Variants in CACNA1E observed in about 807,000 individuals in gnomAD.
CACNA1E encodes the protein voltage-dependent R-type calcium channel subunit alpha-1E.
Under a neutral mutation model 259.2 loss-of-function variants are expected in CACNA1E, and 40 were observed. The observed-to-expected ratio is 0.15, with a 90% CI of 0.12 to 0.20. The LOEUF is 0.20. CACNA1E is among the 10% of genes least tolerant of loss of function. The pLI, the probability that CACNA1E is intolerant of heterozygous loss-of-function variation, is 1.00. For missense variants in CACNA1E, 1,874 were observed against 3,040.1 expected, an observed-to-expected ratio of 0.62 and a Z score of 9.02; for synonymous variants, 1,104 against 1,138.5, an observed-to-expected ratio of 0.97 and a Z score of 0.61.
chr1:181,346,062 G>A (rs1279609483), intron 1 of CACNA1E, among the ~76,000 whole-genome samples: 2 of 152,210 alleles, frequency 1.3e-5, no homozygotes, highest in African/African-American at 4.8e-5. Context: ...GATGTGGAAT[G>A]GAGACCCCTG....
At chr1:181,469,054 A>G (rs1662331516) in intron 2 of CACNA1E, among the ~76,000 whole-genome samples, 1 of 152,178 alleles carries the variant, frequency 6.6e-6, no homozygotes, top group South Asian at 2.1e-4. Flanking sequence ...AAATTTATTA[A>G]AATTTTTTTT....
At chr1:181,382,087 C>T (rs1433887507) in intron 1 of CACNA1E, among the ~76,000 whole-genome samples, 4 of 152,042 alleles carry the variant, frequency 2.6e-5, no homozygotes, top group African/African-American at 4.8e-5. Context: ...CAGTAAATAG[C>T]GAAGGGGCTA....
At chr1:181,331,440 C>G (rs771845328) in intron 1 of CACNA1E, among the ~76,000 whole-genome samples, 1 of 152,142 alleles carries the variant, frequency 6.6e-6, no homozygotes, top group Non-Finnish European at 1.5e-5. Flanking sequence ...GTGGAGAGCC[C>G]TGAGTTCTGA....
chr1:181,737,364 A>G (rs1308522463), intron 22 of CACNA1E, among the ~76,000 whole-genome samples, 161 bp from the exon 23 acceptor site: 3 of 152,174 alleles, frequency 2.0e-5, no homozygotes, highest in Non-Finnish European at 4.4e-5. Flanking sequence ...GGGGCTTTAA[A>G]TCAAGGGTGG....
rs985486070 is a variant in CACNA1E at position 181,354,243 on chromosome 1, C to T, written c.-15+36120C>T. On this transcript the variant is annotated intron_variant, in intron 1 of 11. Transcript: ENST00000524607. ...ATAAATGAATGAAACCAATATGTATCGGGTACCCATCGTGAGCCAGGCACA... is the reference window on the plus strand; with the variant it reads ...ATAAATGAATGAAACCAATATGTATTGGGTACCCATCGTGAGCCAGGCACA... Among the ~76,000 whole-genome samples, 9 of 150,958 alleles carry T rather than the reference C, an allele frequency of 6.0e-5. No homozygotes were observed. The South Asian group carries it at 6.3e-4, about 11-fold the overall frequency.
upstream of CACNA1E, among the ~76,000 whole-genome samples, chr1:181,481,694 G>A (rs1347861706): frequency 1.3e-5 from 2 of 152,282 alleles, no homozygotes; most frequent in East Asian, 3.9e-4. Flanking sequence ...GTGTGGACAT[G>A]GGAGGGGACA....
At chr1:181,654,348 C>T in intron 7 of CACNA1E, among the ~76,000 whole-genome samples, 1 of 151,724 alleles carries the variant, frequency 6.6e-6, no homozygotes, top group Non-Finnish European at 1.5e-5. Context: ...AAATTACCTA[C>T]AAAACAGAAC....
At chr1:181,624,642 C>A (rs1572410163) in intron 6 of CACNA1E, among the ~76,000 whole-genome samples, 1 of 152,138 alleles carries the variant, frequency 6.6e-6, no homozygotes, top group Non-Finnish European at 1.5e-5. Context: ...AGTTCTCTTG[C>A]TGTTTTCACC....
intron 3 of CACNA1E, among the ~76,000 whole-genome samples, chr1:181,522,584 G>A (rs541965623): frequency 3.3e-5 from 5 of 152,260 alleles, no homozygotes; most frequent in South Asian, 2.1e-4. Context: ...GCTGAATCTG[G>A]ATCCTAACTG....
In CACNA1E at chr1:181,622,895, C is replaced by G. The variant is rs529794543; in HGVS notation, c.952-28443C>G. Among the ~76,000 whole-genome samples the G allele has an allele frequency of 8.5e-5, 13 of 152,304 alleles. No individual in the cohort carries two copies. The South Asian group carries it at 2.3e-3, about 27-fold the overall frequency. On this transcript the variant is annotated intron_variant, in intron 6 of 47. Transcript: ENST00000367573. ...TGTTGCTTAAAAAAACCGCGACAGC[C>G]CACTTATGCTTAGGAGCTTTTTCTG...
Position 181,732,375 on chromosome 1 carries a change from CCTT to C in CACNA1E, c.2298-8_2298-6del, listed in dbSNP as rs1299047972. 70 of 1,504,358 alleles carry C rather than the reference CCTT, an allele frequency of 4.7e-5. No homozygotes were observed. Among genetic ancestry groups the C allele is most frequent in the Non-Finnish European group, 6.0e-5 (67 of 1,125,808 alleles). 93.2% of individuals were successfully genotyped at this position (1,504,358 alleles called of 1,614,324 possible). On this transcript the variant is annotated splice_polypyrimidine_tract_variant and splice_region_variant and intron_variant, in intron 19 of 47. Transcript: ENST00000367573. This position sits in a 1 kb window ranked among gnomAD's most constrained non-coding sequence, Gnocchi z 5.5. The stretch of plus-strand genomic sequence containing the variant: ...CTCTGACCGCGGCCCTGCCCTTTCC[CCTT>C]GGCAGGAGGGAGCGGAGGCGCCGGC...
chr1:181,382,519 G>A (rs141851180), intron 1 of CACNA1E, among the ~76,000 whole-genome samples: 1 of 152,226 alleles, frequency 6.6e-6, no homozygotes, highest in African/African-American at 2.4e-5. Flanking sequence ...AGAATTTAAG[G>A]TAGGAAGAGC....
intron 25 of CACNA1E, among the ~76,000 whole-genome samples, chr1:181,741,117 ATG>A (rs1656531820): frequency 6.6e-6 from 1 of 152,220 alleles, no homozygotes; most frequent in African/African-American, 2.4e-5. Context: ...TCTAAAAATC[ATG>A]TGTCTCTCTT....
intron 8 of CACNA1E, among the ~76,000 whole-genome samples, chr1:181,712,682 C>G (rs963637571): frequency 6.6e-6 from 1 of 152,034 alleles, no homozygotes; most frequent in African/African-American, 2.4e-5. Flanking sequence ...ACAAATATCC[C>G]CTACCGCTTC....
intron 3 of CACNA1E, among the ~76,000 whole-genome samples, chr1:181,532,460 A>G (rs1323070948): frequency 1.3e-5 from 2 of 152,232 alleles, no homozygotes; most frequent in African/African-American, 4.8e-5. Flanking sequence ...ACAAAGGTCA[A>G]GCTTCTCCCA....
intron 1 of CACNA1E, among the ~76,000 whole-genome samples, chr1:181,400,039 G>A (rs1656978752): frequency 6.6e-6 from 1 of 152,154 alleles, no homozygotes; most frequent in African/African-American, 2.4e-5. Context: ...TAGTACAGGT[G>A]ACCCAGATAA....
rs372474270 is a variant in CACNA1E at position 181,615,448 on chromosome 1, A to G, written c.951+34672A>G. Reference sequence around the variant, plus strand: ...CATGATCTGCTCGCCTCGGCCTCCTAAAGTGCTGGGATTACAGGTGTGAGC... The same window carrying G: ...CATGATCTGCTCGCCTCGGCCTCCTGAAGTGCTGGGATTACAGGTGTGAGC... On this transcript the variant is annotated intron_variant, in intron 6 of 47. Coordinates refer to ENST00000367573, the MANE Select transcript of CACNA1E (RefSeq NM_001205293.3). Among the ~76,000 whole-genome samples, 51 of 152,210 alleles carry G rather than the reference A, an allele frequency of 3.4e-4. No homozygotes were observed. In the East Asian group the frequency reaches 7.1e-3, roughly 21 times the overall value.
intron 2 of CACNA1E, among the ~76,000 whole-genome samples, chr1:181,441,267 C>CAGA (rs1330357811): frequency 1.3e-5 from 2 of 152,170 alleles, no homozygotes; most frequent in East Asian, 3.9e-4. Context: ...TCTGCCTCAG[C>CAGA]AGAAGTCCAG....
At chr1:181,743,906 G>A (rs3820261) in intron 25 of CACNA1E, among the ~76,000 whole-genome samples, 59,949 of 152,146 alleles carry the variant, frequency 0.39, 12,412 homozygotes, top group Non-Finnish European at 0.46. Flanking sequence ...CCCCCACCTC[G>A]GAATTTACCA....
Sources: gnomAD v4.1 joint callset for allele counts (sites outside exome capture counted in the v4.1 genomes callset) on GRCh38, gnomAD v4.1.1 for gene constraint, Gnocchi (gnomAD v3.1) non-coding constraint, MANE v1.5 for transcripts, NCBI Gene and HGNC (gene_info 2026-07-23, HGNC 2026-07-21) for gene names.